HS3ST5: variants seen among roughly 807,000 people sequenced by gnomAD.
The protein encoded by HS3ST5 is heparan sulfate glucosamine 3-O-sulfotransferase 5.
Under a neutral mutation model 25.4 loss-of-function variants are expected in HS3ST5, and 10 were observed. That is an observed-to-expected ratio of 0.39 (90% CI 0.24 to 0.67). HS3ST5 has a LOEUF of 0.67. Ranked by LOEUF, HS3ST5 falls within the 30% of genes least tolerant of loss-of-function variation. HS3ST5 has a pLI of 0.44. For missense variants in HS3ST5, 324 were observed against 420.7 expected (o/e 0.77, Z 2.01); for synonymous variants, 170 against 162.4 (o/e 1.05, Z -0.36).
intron 2 of HS3ST5, among the ~76,000 whole-genome samples, chr6:114,202,795 A>G (rs1781089020): frequency 6.6e-6 from 1 of 152,226 alleles, no homozygotes; most frequent in South Asian, 2.1e-4. Context: ...TTTGAGGGCT[A>G]TGCTTTTTAT....
At chr6:114,295,481 T>C (rs1774777394) in intron 1 of HS3ST5, among the ~76,000 whole-genome samples, 2 of 152,160 alleles carry the variant, frequency 1.3e-5, no homozygotes, top group South Asian at 4.1e-4. Flanking sequence ...TACAGATGTA[T>C]CAGATAGGTA....
intron 3 of HS3ST5, among the ~76,000 whole-genome samples, chr6:114,114,786 G>T (rs1296955324): frequency 6.6e-6 from 1 of 152,050 alleles, no homozygotes; most frequent in Non-Finnish European, 1.5e-5. Context: ...GAAACTGCAA[G>T]TTACTTTTTA....
intron 3 of HS3ST5, among the ~76,000 whole-genome samples, chr6:114,076,594 G>A (rs1171986226): frequency 2.6e-5 from 4 of 152,178 alleles, no homozygotes; most frequent in Non-Finnish European, 5.9e-5. Context: ...CTACTGATGA[G>A]CTTTCAATTT....
intron 1 of HS3ST5, among the ~76,000 whole-genome samples, chr6:114,320,710 A>G (rs1381399329): frequency 6.6e-6 from 1 of 152,004 alleles, no homozygotes; most frequent in East Asian, 1.9e-4. Context: ...ACCTTAACCA[A>G]ACAGCTTTAT....
chr6:114,256,909 G>A (rs1407934415), intron 1 of HS3ST5, among the ~76,000 whole-genome samples: 1 of 152,170 alleles, frequency 6.6e-6, no homozygotes, highest in Non-Finnish European at 1.5e-5. Context: ...AGAAAAAAAA[G>A]GTTTAATGGA....
intron 1 of HS3ST5, among the ~76,000 whole-genome samples, chr6:114,310,318 T>C (rs191011399): frequency 1.2e-4 from 18 of 152,178 alleles, no homozygotes; most frequent in African/African-American, 4.3e-4. Flanking sequence ...GGAGAGGTAG[T>C]TGTGTAAGAA....
intron 1 of HS3ST5, among the ~76,000 whole-genome samples, chr6:114,341,395 G>T (rs967496171): frequency 2.6e-5 from 4 of 152,146 alleles, no homozygotes; most frequent in African/African-American, 9.7e-5. Context: ...CTCCGGAGTT[G>T]TTTGTTTGCT....
chr6:114,075,100 A>G (rs915894622), intron 3 of HS3ST5, among the ~76,000 whole-genome samples: 2 of 152,236 alleles, frequency 1.3e-5, no homozygotes, highest in Non-Finnish European at 2.9e-5. Flanking sequence ...AGGAAATAAT[A>G]TGGACAACAG....
At chr6:114,301,831 C>T (rs1345299674) in intron 1 of HS3ST5, among the ~76,000 whole-genome samples, 3 of 152,170 alleles carry the variant, frequency 2.0e-5, no homozygotes, top group Non-Finnish European at 4.4e-5. Flanking sequence ...TGCCACCATC[C>T]ACTCATCATC....
intron 1 of HS3ST5, among the ~76,000 whole-genome samples, chr6:114,248,262 A>T (rs1772478770): frequency 6.7e-6 from 1 of 149,550 alleles, no homozygotes; most frequent in Non-Finnish European, 1.5e-5. Context: ...GGGCTCCACT[A>T]ATTATACATA....
At chr6:114,158,897 T>A (rs1778815569) in intron 3 of HS3ST5, among the ~76,000 whole-genome samples, 1 of 152,226 alleles carries the variant, frequency 6.6e-6, no homozygotes, top group Non-Finnish European at 1.5e-5. Flanking sequence ...TTTCATTTAT[T>A]TATCATAAAA....
chr6:114,165,685 G>C (rs536461619), intron 3 of HS3ST5, among the ~76,000 whole-genome samples: 4 of 152,212 alleles, frequency 2.6e-5, no homozygotes, highest in Admixed American at 2.6e-4. Context: ...ACTGAACCTC[G>C]CGCTCACTTC....
In HS3ST5 at chr6:114,342,902, C is replaced by T. The variant is rs961042667; in HGVS notation, c.-1046G>A. 3 of 152,736 alleles carry T rather than the reference C, an allele frequency of 2.0e-5. No individual in the cohort carries two copies. Among genetic ancestry groups the T allele is most frequent in the African/African-American group, 7.2e-5 (3 of 41,580 alleles). The allele number at this position is 152,736 out of a possible 1,614,324, so 9.5% of individuals were successfully genotyped here. The stretch of plus-strand genomic sequence containing the variant: ...CGCCCGGCCCCCAGAGCGCCCGAGC[C>T]GGCAGCTGCCTCCCGGAGACGTGCC... On this transcript the variant is annotated 5_prime_UTR_variant, in exon 1 of 5. Transcript: ENST00000312719.
intron 1 of HS3ST5, among the ~76,000 whole-genome samples, chr6:114,246,798 G>A (rs1013335640): frequency 7.9e-5 from 12 of 152,100 alleles, no homozygotes; most frequent in African/African-American, 2.2e-4. Context: ...TATGGGTTTC[G>A]TTCTGCTTTA....
chr6:114,284,872 CAGG>C (rs887026434), intron 1 of HS3ST5, among the ~76,000 whole-genome samples: 1 of 151,762 alleles, frequency 6.6e-6, no homozygotes, highest in African/African-American at 2.4e-5. Flanking sequence ...AAAATTAAAT[CAGG>C]AGAAAAAAGA....
intron 3 of HS3ST5, among the ~76,000 whole-genome samples, chr6:114,074,798 A>G (rs1774023494): frequency 6.6e-6 from 1 of 152,142 alleles, no homozygotes; most frequent in Non-Finnish European, 1.5e-5. Flanking sequence ...TAAATATTTA[A>G]TAAACCTATA....
intron 2 of HS3ST5, among the ~76,000 whole-genome samples, chr6:114,194,295 A>T (rs1473777847): frequency 6.6e-6 from 1 of 152,182 alleles, no homozygotes; most frequent in East Asian, 1.9e-4. Context: ...ATCACTTCGT[A>T]AATAAAAATA....
At position 114,062,826 on chromosome 6, in the gene HS3ST5, G is replaced by C. The variant is rs201629220; in HGVS notation, c.20C>G (p.Ala7Gly). ...CACCAGGAGCTTCTGTCTCAGCCAC[G>C]CCTGCTGTTTGAATAGCATGGCCCT... MLFKQQ[A>G]WLRQKLLVLG... The change falls in exon 4 of 5, where the codon GCG becomes GGG. Residue 7 changes from alanine to glycine, a missense_variant. Transcript: ENST00000312719. The C allele has an allele frequency of 6.2e-7, 1 of 1,613,812 alleles. No individual in the cohort carries two copies. Among genetic ancestry groups the C allele is most frequent in the East Asian group, 2.2e-5 (1 of 44,868 alleles).
intron 3 of HS3ST5, among the ~76,000 whole-genome samples, chr6:114,161,521 T>TTATATATATATATA (rs59921019): frequency 8.1e-4 from 27 of 33,530 alleles, no homozygotes; most frequent in Admixed American, 1.8e-3. Context: ...TCCTGAAGTT[T>TTATATATATATATA]TATATATATA....
Sources: allele counts gnomAD v4.1 joint callset (sites outside exome capture counted in the v4.1 genomes callset), GRCh38; gene constraint gnomAD v4.1.1; transcripts MANE v1.5; gene names NCBI Gene and HGNC (gene_info 2026-07-23, HGNC 2026-07-21).